Variants in KDM2B observed in about 807,000 individuals in gnomAD.
KDM2B encodes lysine-specific demethylase 2B.
In KDM2B, 26 loss-of-function variants were observed where a neutral mutation model predicts 150.0. The ratio of observed to expected loss-of-function variants is 0.17; its 90% confidence interval spans 0.13 to 0.24. KDM2B has a LOEUF of 0.24. Among genes scored for constraint, KDM2B ranks in the 10% least tolerant of loss-of-function variants. The pLI is 1.00. For missense variants in KDM2B, 1,265 were observed against 1,816.9 expected (o/e 0.70, Z 5.52); for synonymous variants, 734 against 729.5 (o/e 1.01, Z -0.10).
intron 11 of KDM2B, among the ~76,000 whole-genome samples, chr12:121,502,553 G>A (rs1435177019): frequency 2.6e-5 from 4 of 151,842 alleles, no homozygotes; most frequent in African/African-American, 9.7e-5. Flanking sequence ...CCGAGGAGGC[G>A]GAGGTTGCAA....
chr12:121,549,840 T>A lies in KDM2B; in HGVS notation c.398-202A>T, dbSNP rs1339042681. Among the ~76,000 whole-genome samples the A allele has an allele frequency of 6.8e-6, 1 of 146,790 alleles. No homozygotes were observed. Among genetic ancestry groups the A allele is most frequent in the Admixed American group, 6.7e-5 (1 of 14,886 alleles). On this transcript the variant is annotated intron_variant, in intron 4 of 22. Coordinates refer to ENST00000377071, the MANE Select transcript of KDM2B (RefSeq NM_032590.5). The surrounding 1 kb of genome is among the most constrained non-coding windows in gnomAD (Gnocchi z 4.4). ...CCCACCTTGCTTCCCTGCACCACCATGGCCTCCACGCCAGTCTGCGATGAC... is the reference window on the plus strand; with the variant it reads ...CCCACCTTGCTTCCCTGCACCACCAAGGCCTCCACGCCAGTCTGCGATGAC...
rs1434571334 is a variant in KDM2B at position 121,462,168 on chromosome 12, C to T, written c.1735-8824G>A. Among the ~76,000 whole-genome samples, 17 of 152,258 alleles carry T rather than the reference C, an allele frequency of 1.1e-4. 1 individual carries two copies. The highest frequency in any genetic ancestry group is 4.1e-4 in the African/African-American group (17 of 41,466). On this transcript the variant is annotated intron_variant, in intron 12 of 22. Coordinates refer to ENST00000377071, the MANE Select transcript of KDM2B (RefSeq NM_032590.5). ...GCTAATGTTGTACTGTATCGCACGACACAGCTGTATTTATCTCAGTATTAT... is the reference window on the plus strand; with the variant it reads ...GCTAATGTTGTACTGTATCGCACGATACAGCTGTATTTATCTCAGTATTAT...
At chr12:121,501,768 G>T (rs1278476315) in intron 11 of KDM2B, among the ~76,000 whole-genome samples, 2 of 151,994 alleles carry the variant, frequency 1.3e-5, no homozygotes, top group African/African-American at 4.8e-5. Context: ...TTACAGGCAC[G>T]CACCACCATG....
At chr12:121,497,007 T>C (rs988701377) in intron 11 of KDM2B, among the ~76,000 whole-genome samples, 30 of 151,814 alleles carry the variant, frequency 2.0e-4, no homozygotes, top group Admixed American at 1.0e-3. Context: ...TTTGCTTGCA[T>C]GATTTTTCTT....
chr12:121,554,155 T>C (rs902571342), intron 4 of KDM2B, among the ~76,000 whole-genome samples: 1 of 150,804 alleles, frequency 6.6e-6, no homozygotes, highest in Non-Finnish European at 1.5e-5. Flanking sequence ...GAGGACTGCT[T>C]GAGCGTCAGG....
intron 13 of KDM2B, among the ~76,000 whole-genome samples, chr12:121,445,908 G>A (rs1322872638): frequency 6.6e-6 from 1 of 152,210 alleles, no homozygotes; most frequent in Non-Finnish European, 1.5e-5. Flanking sequence ...ACAGACCATG[G>A]ACTGCGGGCT....
intron 8 of KDM2B, among the ~76,000 whole-genome samples, chr12:121,529,236 G>A (rs977444303): frequency 1.3e-5 from 2 of 152,100 alleles, no homozygotes; most frequent in African/African-American, 2.4e-5. Context: ...AAAATCACAC[G>A]ATCATCTGAA....
chr12:121,545,681 C>T (rs1253753402), intron 6 of KDM2B, among the ~76,000 whole-genome samples: 3 of 152,174 alleles, frequency 2.0e-5, no homozygotes, highest in African/African-American at 4.8e-5. Flanking sequence ...CTCATGTTCA[C>T]GTGCCCCCAC....
chr12:121,497,595 C>G (rs782667623), intron 11 of KDM2B, among the ~76,000 whole-genome samples: 7 of 151,810 alleles, frequency 4.6e-5, no homozygotes, highest in Non-Finnish European at 1.0e-4. Flanking sequence ...TGTGAGCCAC[C>G]GCACCTGGCC....
At chr12:121,515,620 T>G (rs943545956) in intron 9 of KDM2B, among the ~76,000 whole-genome samples, 2 of 149,124 alleles carry the variant, frequency 1.3e-5, no homozygotes, top group Non-Finnish European at 3.0e-5. Flanking sequence ...GAAGCAGACC[T>G]CCGTTCTCCT....
At chr12:121,500,808 A>G (rs1555301820) in intron 11 of KDM2B, among the ~76,000 whole-genome samples, 1 of 152,236 alleles carries the variant, frequency 6.6e-6, no homozygotes, top group African/African-American at 2.4e-5. Context: ...GTCCCAAAAA[A>G]TATGTGTTCA....
chr12:121,450,219 T>C (rs1876990800), intron 13 of KDM2B, among the ~76,000 whole-genome samples: 1 of 148,660 alleles, frequency 6.7e-6, no homozygotes, highest in Admixed American at 6.7e-5. Flanking sequence ...GAGGCTGAGG[T>C]AGGATAATTT....
In KDM2B at chr12:121,560,481, T is replaced by TG. The variant is rs782413833; in HGVS notation, c.398-10844dup. ...AGCTCAGGCTGATGCAGGAGGTGGG[T>TG]GGGGGGTGCTCAGAATTCAGACCTA... On this transcript the variant is annotated intron_variant, in intron 4 of 22. Transcript: ENST00000377071. 4.6e-5 allele frequency among the ~76,000 whole-genome samples: 7 copies of TG among 151,816 alleles called. No homozygotes were observed. In the East Asian group the frequency reaches 9.6e-4, roughly 21 times the overall value.
chr12:121,501,196 G>A (rs1884511007), intron 11 of KDM2B, among the ~76,000 whole-genome samples: 3 of 144,766 alleles, frequency 2.1e-5, no homozygotes, highest in Non-Finnish European at 2.9e-5. Context: ...GATTTGGACA[G>A]AGACACAAAG....
At chr12:121,553,631 T>A (rs28667673) in intron 4 of KDM2B, among the ~76,000 whole-genome samples, 91,452 of 152,008 alleles carry the variant, frequency 0.6, 28,889 homozygotes, top group African/African-American at 0.8. Context: ...TCACACTCAC[T>A]TGGAGCACCT....
chr12:121,475,005 A>G (rs1055923091), intron 12 of KDM2B, among the ~76,000 whole-genome samples: 5 of 152,202 alleles, frequency 3.3e-5, no homozygotes, highest in Non-Finnish European at 5.9e-5. Context: ...AGTTGCCTAC[A>G]GTATTCATAC....
At chr12:121,474,764 C>T (rs1555296457) in intron 12 of KDM2B, among the ~76,000 whole-genome samples, 1 of 152,040 alleles carries the variant, frequency 6.6e-6, no homozygotes, top group African/African-American at 2.4e-5. Context: ...ACCAACCTGG[C>T]AACACGGCAA....
intron 1 of KDM2B, chr12:121,579,943 C>CAA (rs61355823): frequency 3.4e-3 from 3,737 of 1,104,504 alleles, no homozygotes; most frequent in South Asian, 5.7e-3. Context: ...GAGAAACAAC[C>CAA]AAAAAAAAAA....
At chr12:121,542,153 T>C (rs1888656050) in intron 6 of KDM2B, among the ~76,000 whole-genome samples, 1 of 152,184 alleles carries the variant, frequency 6.6e-6, no homozygotes, top group South Asian at 2.1e-4. Flanking sequence ...CCATTCACTA[T>C]GGGGAACCCA....
Sources: allele counts gnomAD v4.1 joint callset (sites outside exome capture counted in the v4.1 genomes callset), GRCh38; gene constraint gnomAD v4.1.1; non-coding constraint Gnocchi (gnomAD v3.1); transcripts MANE v1.5; gene names NCBI Gene and HGNC (gene_info 2026-07-23, HGNC 2026-07-21).